Variants in TRIP11 observed in about 807,000 individuals in gnomAD.
The protein encoded by TRIP11 is thyroid hormone receptor interactor 11, also known as thyroid receptor-interacting protein 11.
Under a neutral mutation model 223.1 loss-of-function variants are expected in TRIP11, and 148 were observed. The ratio of observed to expected loss-of-function variants is 0.66; its 90% confidence interval spans 0.58 to 0.76. The LOEUF (loss-of-function observed/expected upper bound fraction) is 0.76. Among genes scored for constraint, TRIP11 ranks in the 30% least tolerant of loss-of-function variants. The pLI, the probability that TRIP11 is intolerant of heterozygous loss-of-function variation, is 0.00. For synonymous variants in TRIP11, 762 were observed against 772.6 expected (o/e 0.99, Z 0.23); for missense variants, 2,043 against 2,222.0 (o/e 0.92, Z 1.62).
At chr14:92,035,722 C>A (rs1001632019) in intron 1 of TRIP11, among the ~76,000 whole-genome samples, 1 of 151,764 alleles carries the variant, frequency 6.6e-6, no homozygotes, top group Non-Finnish European at 1.5e-5. Context: ...GGACTATAGG[C>A]CTGCGCCACC....
At chr14:92,033,545 T>C (rs1471079289) in intron 1 of TRIP11, among the ~76,000 whole-genome samples, 2 of 152,218 alleles carry the variant, frequency 1.3e-5, no homozygotes, top group Non-Finnish European at 2.9e-5. Context: ...CTTTAGAAAT[T>C]AAAACTATTT....
At chr14:91,986,461 A>C (rs1466228661) in intron 16 of TRIP11, among the ~76,000 whole-genome samples, 2 of 152,164 alleles carry the variant, frequency 1.3e-5, no homozygotes, top group East Asian at 3.9e-4. Context: ...ACCTTTCAAA[A>C]AGTTTTAGAC....
chr14:92,015,585 G>A lies in TRIP11; in HGVS notation c.823+111C>T, dbSNP rs28693952. 0.013 allele frequency: 11,008 copies of A among 838,356 alleles called. 534 individuals are homozygous for A. Among genetic ancestry groups the A allele is most frequent in the African/African-American group, 0.12 (6,685 of 57,696 alleles). 51.9% of individuals were successfully genotyped at this position (838,356 alleles called of 1,614,324 possible). On this transcript the variant is annotated intron_variant, in intron 6 of 20. Coordinates refer to ENST00000267622, the MANE Select transcript of TRIP11 (RefSeq NM_004239.4). ...ATGCAGGAGAATCGCTTGAACCCGG[G>A]GGGCGGAGGTTGCAGTGAGCCGAGA...
intron 2 of TRIP11, among the ~76,000 whole-genome samples, chr14:92,029,470 AT>A (rs2057235559): frequency 6.6e-6 from 1 of 151,404 alleles, no homozygotes; most frequent in Non-Finnish European, 1.5e-5. Flanking sequence ...TAATTTTTGT[AT>A]TTTTTGTAGA....
At chr14:91,982,032 A>G (rs2056551853) in intron 16 of TRIP11, among the ~76,000 whole-genome samples, 1 of 152,226 alleles carries the variant, frequency 6.6e-6, no homozygotes. Context: ...GAAAAGAATT[A>G]TATTAATACA....
intron 16 of TRIP11, among the ~76,000 whole-genome samples, chr14:91,983,464 C>A (rs1417501142): frequency 6.6e-6 from 1 of 152,208 alleles, no homozygotes; most frequent in Non-Finnish European, 1.5e-5. Flanking sequence ...ACACAAAACA[C>A]ATTAACTCAA....
Position 92,021,672 on chromosome 14 carries a change from G to A in TRIP11, c.472C>T (p.His158Tyr). The A allele has an allele frequency of 6.2e-7, 1 of 1,614,118 alleles. No homozygotes were observed. The highest frequency in any genetic ancestry group is 1.1e-5 in the South Asian group (1 of 91,078). Residue 158 changes from histidine to tyrosine, a missense_variant, in exon 4 of 21, where the codon CAT (histidine) becomes TAT (tyrosine). By Grantham distance (83) the His-to-Tyr change is moderately conservative. Coordinates refer to ENST00000267622, the MANE Select transcript of TRIP11 (RefSeq NM_004239.4). ...YGISHHPSAF[H>Y]DDDMDFGDII... ...TCACCAAAGTCCATGTCATCGTCAT[G>A]GAAAGCTGAAGGATGATGACTAATC...
Position 92,000,113 on chromosome 14 carries a change from TG to T in TRIP11, c.4558-6del, listed in dbSNP as rs780520743. ...ATTTAACTCTCCAGTCTTGCCCTTT[TG>T]GAAAGAAAAAATTTTAGCTTTAAAA... is the stretch of plus-strand genomic sequence containing the variant. On this transcript the variant is annotated splice_region_variant and splice_polypyrimidine_tract_variant and intron_variant, in intron 11 of 20. Transcript: ENST00000267622. 1 of 1,613,826 alleles carries T rather than the reference TG, an allele frequency of 6.2e-7. No individual in the cohort carries two copies. The highest frequency in any genetic ancestry group is 1.7e-5 in the Admixed American group (1 of 60,012).
At chr14:92,035,562 A>AT (rs1254810463) in intron 1 of TRIP11, among the ~76,000 whole-genome samples, 8 of 140,152 alleles carry the variant, frequency 5.7e-5, no homozygotes, top group Non-Finnish European at 1.2e-4. Flanking sequence ...AAAAAACCTC[A>AT]TTTTTTATTT....
intron 7 of TRIP11, among the ~76,000 whole-genome samples, chr14:92,012,475 T>C (rs937047601): frequency 1.3e-5 from 2 of 152,134 alleles, no homozygotes; most frequent in Admixed American, 6.5e-5. Context: ...GATTATAACA[T>C]AGTATGACAG....
intron 3 of TRIP11, among the ~76,000 whole-genome samples, 160 bp from the exon 4 acceptor site, chr14:92,021,991 A>G (rs147119480): frequency 8.9e-4 from 136 of 152,362 alleles, no homozygotes; most frequent in African/African-American, 3.1e-3. Context: ...CATTCTAACC[A>G]TAACATTTTT....
intron 16 of TRIP11, among the ~76,000 whole-genome samples, chr14:91,979,887 G>T (rs1259494531): frequency 6.6e-6 from 1 of 151,938 alleles, no homozygotes; most frequent in Non-Finnish European, 1.5e-5. Flanking sequence ...ATTTATATGG[G>T]CAGGGAAAAT....
In TRIP11 at chr14:92,039,998, G is replaced by A. The variant is rs1049294478; in HGVS notation, c.-313C>T. 4 of 464,694 alleles carry A rather than the reference G, an allele frequency of 8.6e-6. No individual in the cohort carries two copies. The highest frequency in any genetic ancestry group is 3.9e-5 in the African/African-American group (2 of 51,610). 28.8% of individuals were successfully genotyped at this position (464,694 alleles called of 1,614,324 possible). A position where few individuals can be genotyped will look rare whatever the true frequency, so the allele number is the denominator to read the frequency against. Reference sequence around the variant, plus strand: ...TCTAATGACTTTCCTCAGTTCCGTGGGTTACTCCTGCCAACTCGACGCCGG... The same window carrying A: ...TCTAATGACTTTCCTCAGTTCCGTGAGTTACTCCTGCCAACTCGACGCCGG... On this transcript the variant is annotated 5_prime_UTR_variant, in exon 1 of 21. Coordinates refer to ENST00000267622, the MANE Select transcript of TRIP11 (RefSeq NM_004239.4).
Position 92,040,034 on chromosome 14 carries a change from A to C in TRIP11, c.-349T>G, listed in dbSNP as rs753241449. The C allele has an allele frequency of 2.8e-4, 115 of 415,634 alleles. 1 individual carries two copies. Among genetic ancestry groups the C allele is most frequent in the Non-Finnish European group, 5.0e-4 (111 of 221,746 alleles). The allele number at this position is 415,634 out of a possible 1,614,324, so 25.7% of individuals were successfully genotyped here. On this transcript the variant is annotated 5_prime_UTR_variant, in exon 1 of 21. Coordinates refer to ENST00000267622, the MANE Select transcript of TRIP11 (RefSeq NM_004239.4). ...CCAACTCGACGCCGGCCGCCATGAC[A>C]CTCGCTCGGAAAGCGGCAGCGGATC...
chr14:92,005,154 T>A lies in TRIP11; in HGVS notation c.2822A>T (p.Asp941Val). ...QSLQEQKKEM[D>V]EFRYQHEQMN... ...TTGCTCATGCTGGTATCTAAACTCA[T>A]CCATTTCCTTCTTTTGCTCTTGTAA... Residue 941 changes from aspartate (D) to valine (V), a missense_variant, in exon 11 of 21, where the codon GAT (aspartate) becomes GTT (valine). Asp to Val is a radical substitution (Grantham distance 152, BLOSUM62 -3). Coordinates refer to ENST00000267622, the MANE Select transcript of TRIP11 (RefSeq NM_004239.4). The A allele has an allele frequency of 1.2e-6, 2 of 1,613,760 alleles. No individual in the cohort carries two copies. The highest frequency in any genetic ancestry group is 1.7e-5 in the Admixed American group (1 of 60,030).
At chr14:91,991,425 C>T (rs1348626179) in intron 15 of TRIP11, among the ~76,000 whole-genome samples, 1 of 152,188 alleles carries the variant, frequency 6.6e-6, no homozygotes, top group Non-Finnish European at 1.5e-5. Context: ...AAGACACTTC[C>T]TACCCATCAG....
At chr14:91,979,961 A>G (rs988229244) in intron 16 of TRIP11, among the ~76,000 whole-genome samples, 1 of 151,814 alleles carries the variant, frequency 6.6e-6, no homozygotes. Flanking sequence ...CTCACATGCC[A>G]AAATAATTTT....
chr14:91,966,873 G>T lies in TRIP11; in HGVS notation c.*2800C>A. ...AATTCAACCACAAATTCTACTGAGT[G>T]GATAGAGAAATAAACAGAAAAATTA... On this transcript the variant is annotated 3_prime_UTR_variant, in exon 21 of 21. Transcript: ENST00000267622. 1 of 217,494 alleles carries T rather than the reference G, an allele frequency of 4.6e-6. No individual in the cohort carries two copies. The highest frequency in any genetic ancestry group is 2.2e-5 in the African/African-American group (1 of 44,508). 13.5% of individuals were successfully genotyped at this position (217,494 alleles called of 1,614,324 possible). A position where few individuals can be genotyped will look rare whatever the true frequency, so the allele number is the denominator to read the frequency against.
At chr14:92,015,096 A>AT (rs2057019752) in intron 6 of TRIP11, among the ~76,000 whole-genome samples, 1 of 151,686 alleles carries the variant, frequency 6.6e-6, no homozygotes, top group South Asian at 2.1e-4. Flanking sequence ...TAGAGACGGG[A>AT]TTTCGCCATG....
Sources: allele counts gnomAD v4.1 joint callset (sites outside exome capture counted in the v4.1 genomes callset), GRCh38; gene constraint gnomAD v4.1.1; transcripts MANE v1.5; gene names NCBI Gene and HGNC (gene_info 2026-07-23, HGNC 2026-07-21).